WWOX: variants seen among roughly 807,000 people sequenced by gnomAD.
WWOX encodes the protein WW domain-containing oxidoreductase.
Under a neutral mutation model 46.2 loss-of-function variants are expected in WWOX, and 69 were observed. The observed-to-expected ratio is 1.49, with a 90% confidence interval of 1.23 to 1.82. The LOEUF (loss-of-function observed/expected upper bound fraction) is 1.82. Ranked by LOEUF, WWOX falls within the 40% of genes most tolerant of loss-of-function variation. The pLI is 0.00. For missense variants in WWOX, 919 were observed against 542.6 expected (o/e 1.69, Z -6.89); for synonymous variants, 359 against 202.6 (o/e 1.77, Z -6.56).
intron 8 of WWOX, among the ~76,000 whole-genome samples, chr16:78,846,903 T>C (rs1033572457): frequency 6.6e-6 from 1 of 152,252 alleles, no homozygotes; most frequent in African/African-American, 2.4e-5. Flanking sequence ...CTTCTCCATT[T>C]ATATTGGTAT....
intron 8 of WWOX, among the ~76,000 whole-genome samples, chr16:78,615,322 G>C (rs947168333): frequency 6.6e-6 from 1 of 152,036 alleles, no homozygotes; most frequent in Non-Finnish European, 1.5e-5. Context: ...TCTCCTCTCC[G>C]CGACTCGGTA....
intron 8 of WWOX, among the ~76,000 whole-genome samples, chr16:78,539,613 C>A (rs1270753584): frequency 6.6e-6 from 1 of 152,224 alleles, no homozygotes; most frequent in Non-Finnish European, 1.5e-5. Flanking sequence ...CGATTCTCTT[C>A]CACGTGTGGA....
intron 8 of WWOX, among the ~76,000 whole-genome samples, chr16:78,803,069 T>C (rs576901775): frequency 3.9e-4 from 59 of 151,824 alleles, no homozygotes; most frequent in African/African-American, 1.4e-3. Context: ...AGTAGGTGCT[T>C]TATTTTTAAA....
chr16:78,191,475 C>G (rs1301910488), intron 5 of WWOX, among the ~76,000 whole-genome samples: 1 of 152,204 alleles, frequency 6.6e-6, no homozygotes, highest in Non-Finnish European at 1.5e-5. Flanking sequence ...CACAATATAT[C>G]AATGTATGGT....
chr16:78,834,224 G>A (rs187560862), intron 8 of WWOX, among the ~76,000 whole-genome samples: 8 of 152,108 alleles, frequency 5.3e-5, no homozygotes, highest in East Asian at 3.9e-4. Flanking sequence ...AACAGGGCCC[G>A]TGTGTTCTGA....
intron 8 of WWOX, among the ~76,000 whole-genome samples, chr16:79,137,221 C>G (rs1410067892): frequency 1.3e-5 from 2 of 152,202 alleles, no homozygotes. Context: ...CATACCCATG[C>G]TCTCTATTTC....
intron 8 of WWOX, among the ~76,000 whole-genome samples, chr16:79,162,666 C>T (rs1372384761): frequency 2.0e-5 from 3 of 152,182 alleles, no homozygotes; most frequent in African/African-American, 7.2e-5. Flanking sequence ...TCCTTATGCT[C>T]TCAACAGATC....
intron 8 of WWOX, among the ~76,000 whole-genome samples, chr16:78,819,323 G>A (rs2051429486): frequency 6.6e-6 from 1 of 152,158 alleles, no homozygotes; most frequent in South Asian, 2.1e-4. Flanking sequence ...CCAAATTGAG[G>A]ACTAGCTAAA....
intron 8 of WWOX, among the ~76,000 whole-genome samples, chr16:78,667,360 C>A (rs117198700): frequency 6.6e-6 from 1 of 152,188 alleles, no homozygotes; most frequent in East Asian, 1.9e-4. Flanking sequence ...TTTTTGCATC[C>A]TACTTTTTTT....
intron 8 of WWOX, among the ~76,000 whole-genome samples, chr16:78,704,932 T>G (rs1360948022): frequency 6.6e-6 from 1 of 151,554 alleles, no homozygotes; most frequent in Non-Finnish European, 1.5e-5. Context: ...TTTTTTTTTT[T>G]TTAAAGAGGA....
At chr16:79,007,458 C>T (rs2047213075) in intron 8 of WWOX, among the ~76,000 whole-genome samples, 1 of 152,120 alleles carries the variant, frequency 6.6e-6, no homozygotes, top group Non-Finnish European at 1.5e-5. Flanking sequence ...GAAGATGAGG[C>T]CAGGGGATTG....
chr16:78,387,541 C>T (rs1297148695), intron 6 of WWOX, among the ~76,000 whole-genome samples: 3 of 151,980 alleles, frequency 2.0e-5, no homozygotes, highest in African/African-American at 7.3e-5. Flanking sequence ...ATGCTAGCAT[C>T]CCTTTCTAAC....
chr16:78,900,383 A>G (rs2044800873), intron 8 of WWOX, among the ~76,000 whole-genome samples: 1 of 152,184 alleles, frequency 6.6e-6, no homozygotes, highest in Non-Finnish European at 1.5e-5. Flanking sequence ...AAAACTGTGC[A>G]TGTAATTTGC....
At chr16:78,586,063 C>G (rs2045197553) in intron 8 of WWOX, among the ~76,000 whole-genome samples, 3 of 152,028 alleles carry the variant, frequency 2.0e-5, no homozygotes, top group Admixed American at 1.3e-4. Context: ...AACAAACAGA[C>G]AAACAAAATT....
chr16:78,513,629 A>G (rs2085416786), intron 8 of WWOX, among the ~76,000 whole-genome samples: 1 of 152,210 alleles, frequency 6.6e-6, no homozygotes, highest in Non-Finnish European at 1.5e-5. Context: ...ATTGCCTGTG[A>G]GTCCCACTGA....
At chr16:78,289,869 T>C (rs2079831420) in intron 5 of WWOX, among the ~76,000 whole-genome samples, 1 of 151,824 alleles carries the variant, frequency 6.6e-6, no homozygotes, top group Non-Finnish European at 1.5e-5. Flanking sequence ...TGGCCTACAG[T>C]GTCAGTACAT....
chr16:78,666,388 G>T (rs887310745), intron 8 of WWOX, among the ~76,000 whole-genome samples: 1 of 152,130 alleles, frequency 6.6e-6, no homozygotes, highest in Non-Finnish European at 1.5e-5. Flanking sequence ...ATGCCTAGAG[G>T]GATCCCAGTT....
chr16:79,027,511 C>T lies in WWOX; in HGVS notation c.1057-184097C>T, dbSNP rs1016673723. On this transcript the variant is annotated intron_variant, in intron 8 of 8. Coordinates refer to ENST00000566780, the MANE Select transcript of WWOX (RefSeq NM_016373.4). ...ATAAGAACTAATGACTTCTGCCTGC[C>T]ATCATTTTGGAATGTCCAATTCCCC... is the stretch of plus-strand genomic sequence containing the variant. Among the ~76,000 whole-genome samples the T allele has an allele frequency of 7.9e-5, 12 of 151,832 alleles. No individual in the cohort carries two copies. The East Asian group carries it at 1.2e-3, about 15-fold the overall frequency.
chr16:78,810,148 G>A (rs1369349437), intron 8 of WWOX, among the ~76,000 whole-genome samples: 1 of 152,110 alleles, frequency 6.6e-6, no homozygotes, highest in Non-Finnish European at 1.5e-5. Context: ...CTGTTAAATG[G>A]TCCTTTAATA....
Sources: gnomAD v4.1 joint callset for allele counts (sites outside exome capture counted in the v4.1 genomes callset) on GRCh38, gnomAD v4.1.1 for gene constraint, MANE v1.5 for transcripts, NCBI Gene and HGNC (gene_info 2026-07-23, HGNC 2026-07-21) for gene names.